The following PCM1 variants were observed in gnomAD, a reference collection of about 807,000 sequenced individuals.
PCM1 encodes pericentriolar material 1 protein.
PCM1 carries 157 observed loss-of-function variants against 241.9 expected under a neutral mutation model. That is an observed-to-expected ratio of 0.65 (90% CI 0.57 to 0.74). The LOEUF (loss-of-function observed/expected upper bound fraction) is 0.74, where lower values mean the gene tolerates loss of function less well. PCM1 is among the 30% of genes least tolerant of loss of function. The pLI is 0.00. For synonymous variants in PCM1, 1,085 were observed against 784.9 expected (o/e 1.38, Z -6.39); for missense variants, 3,478 against 2,360.1 (o/e 1.47, Z -9.81).
chr8:18,008,194 CA>C, intron 30 of PCM1, among the ~76,000 whole-genome samples: 1 of 152,244 alleles, frequency 6.6e-6, no homozygotes, highest in East Asian at 1.9e-4. Context: ...CCACGGCTCT[CA>C]TTACCGCCTG....
chr8:17,934,529 G>A (rs2059909136), intron 2 of PCM1, among the ~76,000 whole-genome samples: 2 of 152,138 alleles, frequency 1.3e-5, no homozygotes. Flanking sequence ...TCAAAGTGCT[G>A]GGATTACAGG....
At chr8:17,942,399 G>T (rs1586154024) in intron 6 of PCM1, among the ~76,000 whole-genome samples, 1 of 151,702 alleles carries the variant, frequency 6.6e-6, no homozygotes, top group African/African-American at 2.4e-5. Context: ...CCTAGGAGGT[G>T]TAGGTTGCCG....
In PCM1 at chr8:17,935,641, G is replaced by C; in HGVS notation, c.31G>C (p.Gly11Arg). The change falls in exon 3 of 39, where the codon GGC becomes CGC. Residue 11 changes from glycine to arginine, a missense_variant. Gly to Arg is a moderately radical substitution (Grantham distance 125). Coordinates refer to ENST00000325083, the MANE Select transcript of PCM1 (RefSeq NM_006197.4). MATGGGPFEDGMNDQDLPNWS... is the reference protein window; with the variant it reads MATGGGPFEDRMNDQDLPNWS... ...CACAGGAGGAGGTCCCTTTGAAGATGGCATGAATGATCAGGATTTACCAAA... is the reference window on the plus strand; with the variant it reads ...CACAGGAGGAGGTCCCTTTGAAGATCGCATGAATGATCAGGATTTACCAAA... 1.3e-6 allele frequency: 2 copies of C among 1,560,620 alleles called. No homozygotes were observed. The highest frequency in any genetic ancestry group is 1.7e-5 in the Admixed American group (1 of 59,848).
intron 29 of PCM1, among the ~76,000 whole-genome samples, chr8:18,004,156 T>C (rs2090542739): frequency 1.3e-5 from 2 of 152,302 alleles, no homozygotes; most frequent in Admixed American, 1.3e-4. Flanking sequence ...AAGAATTATG[T>C]AAGTTACATG....
In PCM1 at chr8:18,010,623, TGAA is replaced by T. The variant is rs773106190; in HGVS notation, c.5178_5180del (p.Glu1726del). The T allele has an allele frequency of 1.2e-6, 2 of 1,603,002 alleles. No homozygotes were observed. Among genetic ancestry groups the T allele is most frequent in the South Asian group, 2.3e-5 (2 of 88,882 alleles). The stretch of plus-strand genomic sequence containing the variant: ...TTGTTTTAAAGGCTAAAAGGATTCT[TGAA>T]GATCATGGCTCACCTGCTGGAGAGA... On this transcript the variant is annotated inframe_deletion, in exon 32 of 39. Coordinates refer to ENST00000325083, the MANE Select transcript of PCM1 (RefSeq NM_006197.4).
intron 1 of PCM1, among the ~76,000 whole-genome samples, chr8:17,924,044 T>C (rs1040743777): frequency 2.0e-5 from 3 of 151,808 alleles, no homozygotes; most frequent in Admixed American, 2.0e-4. Context: ...TTGTGTGTCT[T>C]ACGGGTGACG....
chr8:17,975,137 G>A (rs1253346072), intron 23 of PCM1, among the ~76,000 whole-genome samples: 3 of 152,114 alleles, frequency 2.0e-5, no homozygotes, highest in African/African-American at 7.2e-5. Flanking sequence ...GTACGTGAAA[G>A]TCTGAAAAGT....
rs1442898815 is a variant in PCM1, at chr8:17,935,665, A to C, written c.55A>C (p.Asn19His). The C allele has an allele frequency of 1.3e-6, 2 of 1,554,720 alleles. No homozygotes were observed. Among genetic ancestry groups the C allele is most frequent in the Non-Finnish European group, 1.8e-6 (2 of 1,126,336 alleles). ...EDGMNDQDLPNWSNENVDDRL... is the reference protein window; with the variant it reads ...EDGMNDQDLPHWSNENVDDRL... Reference sequence around the variant, plus strand: ...TGGCATGAATGATCAGGATTTACCAAACTGGAGTAATGAGAATGTTGATGA... The same window carrying C: ...TGGCATGAATGATCAGGATTTACCACACTGGAGTAATGAGAATGTTGATGA... Residue 19 changes from asparagine to histidine, a missense_variant, in exon 3 of 39, where the codon AAC becomes CAC. Physicochemically the swap from Asn to His is moderately conservative, Grantham distance 68 (BLOSUM62 1). Coordinates refer to ENST00000325083, the MANE Select transcript of PCM1 (RefSeq NM_006197.4).
At position 17,929,571 on chromosome 8, in the gene PCM1, C is replaced by T. The variant is rs1199927567; in HGVS notation, c.-23+4791C>T. Among the ~76,000 whole-genome samples the T allele has an allele frequency of 2.6e-5, 4 of 152,188 alleles. No individual in the cohort carries two copies. The East Asian group carries it at 5.8e-4, about 22-fold the overall frequency. On this transcript the variant is annotated intron_variant, in intron 2 of 38. Transcript: ENST00000325083. ...CTCTCTCAACAAAGAAAACTTGTTTCTTTTCTGATCAGTTTAACTGTGTGT... is the reference window on the plus strand; with the variant it reads ...CTCTCTCAACAAAGAAAACTTGTTTTTTTTCTGATCAGTTTAACTGTGTGT...
At chr8:17,969,170 T>C (rs2076050319) in intron 21 of PCM1, among the ~76,000 whole-genome samples, 1 of 152,178 alleles carries the variant, frequency 6.6e-6, no homozygotes, top group Admixed American at 6.5e-5. Flanking sequence ...GATCTAATCA[T>C]CTTTTTCATT....
intron 24 of PCM1, among the ~76,000 whole-genome samples, chr8:17,982,236 T>A (rs2081088411): frequency 6.6e-6 from 1 of 152,190 alleles, no homozygotes; most frequent in Non-Finnish European, 1.5e-5. Context: ...ACTAAAATTT[T>A]ATAATTTTCA....
chr8:17,962,042 T>A lies in PCM1; in HGVS notation c.2331T>A (p.Ala777=). 6.2e-7 allele frequency: 1 copy of A among 1,609,364 alleles called. No homozygotes were observed. The highest frequency in any genetic ancestry group is 1.1e-5 in the South Asian group (1 of 90,036). Residue 777 remains alanine (A), a synonymous_variant, in exon 16 of 39, where the codon GCT becomes GCA. Coordinates refer to ENST00000325083, the MANE Select transcript of PCM1 (RefSeq NM_006197.4). ...TGTGAATTCCTTTTTAGCTGTCAGCTGCTAGTGTGGGTAACTGTCCCACCA... is the reference window on the plus strand; with the variant it reads ...TGTGAATTCCTTTTTAGCTGTCAGCAGCTAGTGTGGGTAACTGTCCCACCA... ...QTACPDLQLS[A]ASVGNCPTKK... is the part of the protein sequence containing the mutation.
In PCM1 at chr8:17,964,837, C is replaced by T. The variant is rs549601881; in HGVS notation, c.2855+69C>T. On this transcript the variant is annotated intron_variant, in intron 18 of 38. Transcript: ENST00000325083. Reference sequence around the variant, plus strand: ...AGGTCTTTTTGACTGACAGCAAGCACTTCTGCAGTTCTCCAAGCCAACTGA... The same window carrying T: ...AGGTCTTTTTGACTGACAGCAAGCATTTCTGCAGTTCTCCAAGCCAACTGA... The T allele has an allele frequency of 8.3e-5, 96 of 1,156,032 alleles. No individual in the cohort carries two copies. The South Asian group carries it at 1.2e-3, about 15-fold the overall frequency. 71.6% of individuals were successfully genotyped at this position (1,156,032 alleles called of 1,614,324 possible).
intron 36 of PCM1, among the ~76,000 whole-genome samples, chr8:18,023,052 T>A (rs918700432): frequency 6.6e-6 from 1 of 152,192 alleles, no homozygotes; most frequent in African/African-American, 2.4e-5. Flanking sequence ...GATGCAGATA[T>A]GACAGAGAAT....
intron 23 of PCM1, among the ~76,000 whole-genome samples, chr8:17,978,725 G>T (rs765378704): frequency 2.6e-5 from 4 of 151,622 alleles, no homozygotes; most frequent in Non-Finnish European, 5.9e-5. Flanking sequence ...TACAGGGGAA[G>T]ATAAAGAAGA....
chr8:17,939,068 A>G, intron 5 of PCM1, 59 bp downstream of exon 5: 1 of 1,564,904 alleles, frequency 6.4e-7, no homozygotes, highest in Non-Finnish European at 8.7e-7. Flanking sequence ...ACCAACAGTA[A>G]GGTTTAGAAA....
At chr8:17,974,984 A>C (rs528327564) in intron 23 of PCM1, among the ~76,000 whole-genome samples, 12 of 152,160 alleles carry the variant, frequency 7.9e-5, no homozygotes, top group African/African-American at 2.7e-4. Flanking sequence ...TTGCTATTCA[A>C]ACTCTGAACT....
chr8:17,947,409 C>T (rs2064236992), intron 7 of PCM1, 46 bp downstream of exon 7: 1 of 1,355,482 alleles, frequency 7.4e-7, no homozygotes, highest in African/African-American at 1.5e-5. Flanking sequence ...AAGACTCATA[C>T]ATAATTGTAT....
intron 23 of PCM1, among the ~76,000 whole-genome samples, chr8:17,978,904 T>C (rs1480964118): frequency 6.6e-6 from 1 of 152,214 alleles, no homozygotes; most frequent in Non-Finnish European, 1.5e-5. Context: ...CCAGGAAATC[T>C]GTCAACATAA....
Sources: allele counts gnomAD v4.1 joint callset (sites outside exome capture counted in the v4.1 genomes callset), GRCh38; gene constraint gnomAD v4.1.1; transcripts MANE v1.5; gene names NCBI Gene and HGNC (gene_info 2026-07-23, HGNC 2026-07-21).